TNPO1: variants seen among roughly 807,000 people sequenced by gnomAD.
TNPO1 encodes the protein transportin 1, also known as transportin-1.
Under a neutral mutation model 119.5 loss-of-function variants are expected in TNPO1, and 8 were observed. The ratio of observed to expected loss-of-function variants is 0.07; its 90% CI spans 0.04 to 0.12. The LOEUF (loss-of-function observed/expected upper bound fraction) is 0.12, where lower values mean the gene tolerates loss of function less well. Among genes scored for constraint, TNPO1 ranks in the 10% least tolerant of loss-of-function variants. The probability of loss-of-function intolerance (pLI) is 1.00; values close to 1 mark genes in which losing one functional copy is unlikely to be tolerated. For missense variants in TNPO1, 576 were observed against 1,089.8 expected (o/e 0.53, Z 6.64); for synonymous variants, 362 against 363.0 (o/e 1.00, Z 0.03).
chr5:72,912,904 A>T lies in TNPO1; in HGVS notation c.*4231A>T, dbSNP rs1463400959. The T allele has an allele frequency of 6.6e-6, 1 of 152,508 alleles. No individual in the cohort carries two copies. The highest frequency in any genetic ancestry group is 1.5e-5 in the Non-Finnish European group (1 of 67,918). 9.4% of individuals were successfully genotyped at this position (152,508 alleles called of 1,614,324 possible). On this transcript the variant is annotated 3_prime_UTR_variant, in exon 25 of 25. Coordinates refer to ENST00000337273, the MANE Select transcript of TNPO1 (RefSeq NM_002270.4). ...TTCCCAGGGGAAGAGTGTATCATGC[A>T]TAACTGCAATTTAAGTCCTTCCTTT...
At chr5:72,848,664 C>T (rs576143882) in intron 2 of TNPO1, among the ~76,000 whole-genome samples, 166 bp downstream of exon 2, 45 of 149,104 alleles carry the variant, frequency 3.0e-4, no homozygotes, top group African/African-American at 1.1e-3. Flanking sequence ...GCTGCCCCTG[C>T]CGGGCGACTC....
At chr5:72,841,956 C>T (rs998898896) in intron 1 of TNPO1, among the ~76,000 whole-genome samples, 27 of 151,578 alleles carry the variant, frequency 1.8e-4, no homozygotes, top group Non-Finnish European at 3.5e-4. Flanking sequence ...AATGATTCAG[C>T]AAATTTCTTA....
rs532308300 is a variant in TNPO1, at chr5:72,859,312, A to G, written c.356-2496A>G. Among the ~76,000 whole-genome samples the G allele has an allele frequency of 2.0e-5, 3 of 152,238 alleles. No individual in the cohort carries two copies. In the South Asian group the frequency reaches 6.2e-4, roughly 32 times the overall value. On this transcript the variant is annotated intron_variant, in intron 4 of 24. Transcript: ENST00000337273. ...TAATCAGCACACCTGACCTCTACCC[A>G]CTGGATACCAGCAGCAGCCACATAC...
chr5:72,818,064 A>G (rs1328214678), intron 1 of TNPO1, among the ~76,000 whole-genome samples: 1 of 152,264 alleles, frequency 6.6e-6, no homozygotes, highest in Non-Finnish European at 1.5e-5. Context: ...CTAGCTATGC[A>G]GTGCATAAAT....
chr5:72,829,370 T>C (rs1744345387), intron 1 of TNPO1, among the ~76,000 whole-genome samples: 1 of 152,232 alleles, frequency 6.6e-6, no homozygotes, highest in Non-Finnish European at 1.5e-5. Context: ...CCAAAGATTG[T>C]TCCTGCTATT....
At chr5:72,818,297 T>C (rs1206203125) in intron 1 of TNPO1, among the ~76,000 whole-genome samples, 3 of 152,244 alleles carry the variant, frequency 2.0e-5, no homozygotes, top group East Asian at 1.9e-4. Context: ...CATTATATAA[T>C]GTGAGCAGAA....
intron 14 of TNPO1, among the ~76,000 whole-genome samples, chr5:72,891,355 C>T (rs1206185494): frequency 1.3e-5 from 2 of 151,986 alleles, no homozygotes; most frequent in Non-Finnish European, 2.9e-5. Flanking sequence ...GTCCCAGCTA[C>T]TCGGGAGGCT....
intron 18 of TNPO1, among the ~76,000 whole-genome samples, chr5:72,896,005 G>A (rs1350038819): frequency 1.3e-5 from 2 of 152,076 alleles, no homozygotes; most frequent in African/African-American, 2.4e-5. Context: ...CCTGTAATGT[G>A]ACGTTTTCTG....
intron 1 of TNPO1, among the ~76,000 whole-genome samples, chr5:72,826,957 A>G (rs1390000709): frequency 6.6e-6 from 1 of 152,142 alleles, no homozygotes; most frequent in Admixed American, 6.6e-5. Flanking sequence ...AGTTTTTTTA[A>G]TGAAGAGATG....
At chr5:72,816,963 C>A in intron 1 of TNPO1, 1 of 528,528 alleles carries the variant, frequency 1.9e-6, no homozygotes, top group Non-Finnish European at 3.2e-6. Context: ...GGGTAGGGAG[C>A]AGGCGACGGC....
chr5:72,872,985 T>C (rs1468685530), intron 7 of TNPO1, among the ~76,000 whole-genome samples: 2 of 152,114 alleles, frequency 1.3e-5, no homozygotes, highest in Non-Finnish European at 2.9e-5. Context: ...TTTAGTATCT[T>C]GACTACTTTA....
intron 1 of TNPO1, among the ~76,000 whole-genome samples, chr5:72,828,818 G>A (rs555322758): frequency 6.6e-6 from 1 of 152,040 alleles, no homozygotes; most frequent in East Asian, 1.9e-4. Flanking sequence ...TGCAATGATC[G>A]TTATATCAGA....
rs1579961329 is a variant in TNPO1, at chr5:72,912,465, C to T, written c.*3792C>T. 1 of 152,440 alleles carries T rather than the reference C, an allele frequency of 6.6e-6. No individual in the cohort carries two copies. The highest frequency in any genetic ancestry group is 2.4e-5 in the African/African-American group (1 of 41,434). The allele number at this position is 152,440 out of a possible 1,614,324, so 9.4% of individuals were successfully genotyped here. On this transcript the variant is annotated 3_prime_UTR_variant, in exon 25 of 25. Transcript: ENST00000337273. ...ATACAAGTTTTATCTCAGGTGAATA[C>T]TCTTGTATTGTTTTTGCTTTGGTGA...
chr5:72,913,241 A>G lies in TNPO1; in HGVS notation c.*4568A>G, dbSNP rs10942501. 17,876 of 152,552 alleles carry G rather than the reference A, an allele frequency of 0.12. 1,266 individuals are homozygous for G. The highest frequency in any genetic ancestry group is 0.17 in the Non-Finnish European group (11,299 of 67,874). 9.4% of individuals were successfully genotyped at this position (152,552 alleles called of 1,614,324 possible). A position where few individuals can be genotyped will look rare whatever the true frequency, so the allele number is the denominator to read the frequency against. On this transcript the variant is annotated 3_prime_UTR_variant, in exon 25 of 25. Transcript: ENST00000337273. ...ATGCCTCTCTAAAATTAAATTTTAC[A>G]TAAAAGTTAGTTTTATTCACCTTTA...
chr5:72,867,941 T>C (rs915262665), intron 6 of TNPO1, among the ~76,000 whole-genome samples: 1 of 152,220 alleles, frequency 6.6e-6, no homozygotes, highest in African/African-American at 2.4e-5. Flanking sequence ...AATACTTTGC[T>C]ATCATTAATG....
intron 8 of TNPO1, 43 bp from the exon 9 acceptor site, chr5:72,877,185 G>C (rs769628633): frequency 2.6e-6 from 3 of 1,133,222 alleles, no homozygotes; most frequent in Non-Finnish European, 2.6e-6. Context: ...TACTAATGGT[G>C]TGATTTTTAA....
chr5:72,886,275 T>C (rs1483066918), intron 11 of TNPO1, among the ~76,000 whole-genome samples: 3 of 152,252 alleles, frequency 2.0e-5, no homozygotes, highest in Non-Finnish European at 2.9e-5. Context: ...GCATGCGTTA[T>C]GTTTCATGTG....
intron 1 of TNPO1, among the ~76,000 whole-genome samples, chr5:72,826,949 T>C (rs913615530): frequency 6.6e-6 from 1 of 152,128 alleles, no homozygotes; most frequent in African/African-American, 2.4e-5. Context: ...TTACATTAAG[T>C]TTTTTTAATG....
intron 22 of TNPO1, 144 bp downstream of exon 22, chr5:72,901,217 A>C (rs1322380689): frequency 7.6e-6 from 4 of 526,360 alleles, no homozygotes; most frequent in African/African-American, 4.0e-5. Flanking sequence ...ATATTTCTTA[A>C]TATCTTGAAA....
Sources: gnomAD v4.1 joint callset for allele counts (sites outside exome capture counted in the v4.1 genomes callset) on GRCh38, gnomAD v4.1.1 for gene constraint, MANE v1.5 for transcripts, NCBI Gene and HGNC (gene_info 2026-07-23, HGNC 2026-07-21) for gene names.